SYNPO2: variants seen among roughly 807,000 people sequenced by gnomAD.
SYNPO2 encodes synaptopodin-2.
SYNPO2 carries 56 observed loss-of-function variants against 85.0 expected under a neutral mutation model. The observed-to-expected ratio is 0.66, with a 90% CI of 0.53 to 0.82. The LOEUF (loss-of-function observed/expected upper bound fraction) is 0.82. Ranked by LOEUF, SYNPO2 falls within the 40% of genes least tolerant of loss-of-function variation. SYNPO2 has a pLI of 0.00. For synonymous variants in SYNPO2, 602 were observed against 591.1 expected (o/e 1.02, Z -0.27); for missense variants, 1,575 against 1,534.2 (o/e 1.03, Z -0.44).
intron 1 of SYNPO2, among the ~76,000 whole-genome samples, chr4:118,863,044 C>T (rs1486205334): frequency 1.3e-5 from 2 of 152,250 alleles, no homozygotes; most frequent in South Asian, 2.1e-4. Context: ...CTCCTGACCT[C>T]GTGACCCACC....
intron 1 of SYNPO2, among the ~76,000 whole-genome samples, chr4:118,853,687 T>TGGTCTTAGGGGTAGCG: frequency 6.6e-6 from 1 of 152,142 alleles, no homozygotes; most frequent in Non-Finnish European, 1.5e-5. Context: ...TAAATCCTTC[T>TGGTCTTAGGGGTAGCG]GGTCTTAGGG....
chr4:118,938,613 G>A (rs1423976079), intron 1 of SYNPO2, among the ~76,000 whole-genome samples: 1 of 152,156 alleles, frequency 6.6e-6, no homozygotes, highest in Non-Finnish European at 1.5e-5. Flanking sequence ...GTTTTCACTG[G>A]TAGCTTCCCT....
chr4:118,977,563 G>A (rs1362940082), intron 1 of SYNPO2, among the ~76,000 whole-genome samples: 1 of 152,206 alleles, frequency 6.6e-6, no homozygotes, highest in Admixed American at 6.5e-5. Flanking sequence ...GGGAGGTGCC[G>A]AGAGCAAGCG....
At chr4:118,976,472 C>T (rs555455788) in intron 1 of SYNPO2, among the ~76,000 whole-genome samples, 18 of 152,252 alleles carry the variant, frequency 1.2e-4, no homozygotes, top group East Asian at 3.9e-4. Flanking sequence ...GGGACCCTAG[C>T]GGGTTGCCAA....
intron 1 of SYNPO2, among the ~76,000 whole-genome samples, chr4:118,931,710 C>T (rs1578561598): frequency 6.6e-6 from 1 of 152,162 alleles, no homozygotes; most frequent in East Asian, 1.9e-4. Context: ...ACACCCAATC[C>T]ATTACTACCG....
At chr4:118,972,410 T>C (rs1464709833) in intron 1 of SYNPO2, among the ~76,000 whole-genome samples, 2 of 152,084 alleles carry the variant, frequency 1.3e-5, no homozygotes, top group African/African-American at 4.8e-5. Context: ...TGCCACTGCA[T>C]TCCAGCCTGG....
At chr4:118,933,478 T>A (rs1162218156) in intron 1 of SYNPO2, among the ~76,000 whole-genome samples, 1 of 152,200 alleles carries the variant, frequency 6.6e-6, no homozygotes, top group Non-Finnish European at 1.5e-5. Flanking sequence ...GAAAGTTCTA[T>A]CCTGGAGGCA....
intron 2 of SYNPO2, among the ~76,000 whole-genome samples, chr4:119,025,284 T>C (rs1737891511): frequency 6.6e-6 from 1 of 152,216 alleles, no homozygotes; most frequent in Non-Finnish European, 1.5e-5. Context: ...ATTAAAACTC[T>C]CTGACCTTTT....
intron 1 of SYNPO2, among the ~76,000 whole-genome samples, chr4:118,877,688 T>G (rs1731954367): frequency 6.6e-6 from 1 of 152,042 alleles, no homozygotes; most frequent in South Asian, 2.1e-4. Context: ...TGGCTATTAT[T>G]AAAAAGTCAA....
At chr4:119,054,712 CAT>C (rs1317722292) in intron 4 of SYNPO2, among the ~76,000 whole-genome samples, 3 of 152,222 alleles carry the variant, frequency 2.0e-5, no homozygotes, top group Admixed American at 6.5e-5. Flanking sequence ...GAAAAAGCAA[CAT>C]TCCACTGGTA....
chr4:119,032,570 T>C (rs945999018), intron 4 of SYNPO2: 13 of 996,426 alleles, frequency 1.3e-5, no homozygotes, highest in Non-Finnish European at 1.6e-5. Context: ...GCCACCTGTT[T>C]GATATCACAG....
At chr4:118,884,274 C>G (rs1732161674), upstream of SYNPO2, among the ~76,000 whole-genome samples, 1 of 152,156 alleles carries the variant, frequency 6.6e-6, no homozygotes, top group South Asian at 2.1e-4. Flanking sequence ...CACTAGAGAC[C>G]CATGAAGGAC....
chr4:118,978,792 G>GACACACAC (rs5861400), intron 1 of SYNPO2, among the ~76,000 whole-genome samples: 8 of 148,326 alleles, frequency 5.4e-5, no homozygotes, highest in African/African-American at 7.5e-5. Context: ...CTCCTGCCAT[G>GACACACAC]ACACACACAC....
At chr4:119,023,143 A>G (rs1578652043) in intron 1 of SYNPO2, among the ~76,000 whole-genome samples, 1 of 151,888 alleles carries the variant, frequency 6.6e-6, no homozygotes, top group Non-Finnish European at 1.5e-5. Context: ...TCTATTTTTT[A>G]TTTCTTTAAT....
chr4:118,873,292 A>G (rs1377839623), intron 1 of SYNPO2, among the ~76,000 whole-genome samples: 1 of 152,196 alleles, frequency 6.6e-6, no homozygotes, highest in Non-Finnish European at 1.5e-5. Context: ...CAGAGGTTGT[A>G]CTAATTTACA....
chr4:118,876,672 T>C (rs1182169303), intron 1 of SYNPO2, among the ~76,000 whole-genome samples: 151 of 2,200 alleles, frequency 0.069, no homozygotes, highest in African/African-American at 0.19. Context: ...CCTTTCTCTT[T>C]CTTTCTTTCT....
intron 1 of SYNPO2, among the ~76,000 whole-genome samples, chr4:118,911,311 T>A (rs1036140849): frequency 2.0e-5 from 3 of 152,210 alleles, no homozygotes; most frequent in Non-Finnish European, 4.4e-5. Context: ...ATTGCCTGCA[T>A]TATAACTGCA....
chr4:119,046,675 A>C (rs1190570426), intron 4 of SYNPO2, among the ~76,000 whole-genome samples: 1 of 152,238 alleles, frequency 6.6e-6, no homozygotes, highest in Non-Finnish European at 1.5e-5. Flanking sequence ...TACTCTGCCC[A>C]TAATCTTGAA....
intron 1 of SYNPO2, among the ~76,000 whole-genome samples, chr4:118,910,016 T>C (rs768135768): frequency 3.3e-5 from 5 of 152,232 alleles, no homozygotes; most frequent in Admixed American, 6.5e-5. Flanking sequence ...CCATTATTTT[T>C]TGTTTTCCAT....
Sources: allele counts gnomAD v4.1 joint callset (sites outside exome capture counted in the v4.1 genomes callset), GRCh38; gene constraint gnomAD v4.1.1; transcripts MANE v1.5; gene names NCBI Gene and HGNC (gene_info 2026-07-23, HGNC 2026-07-21).